The following MAPK8 variants were observed in gnomAD, a reference collection of about 807,000 sequenced individuals.
MAPK8 encodes the protein JUN N-terminal kinase.
A neutral mutation model predicts 52.9 loss-of-function variants in MAPK8; 13 were observed. The ratio of observed to expected loss-of-function variants is 0.25; its 90% CI spans 0.16 to 0.39. MAPK8 has a LOEUF of 0.39. MAPK8 is among the 10% of genes least tolerant of loss of function. The pLI, the probability that MAPK8 is intolerant of heterozygous loss-of-function variation, is 1.00. For missense variants in MAPK8, 300 were observed against 519.2 expected (o/e 0.58, Z 4.10); for synonymous variants, 191 against 169.8 (o/e 1.12, Z -0.97).
chr10:48,415,906 A>G (rs1044131316), intron 5 of MAPK8, among the ~76,000 whole-genome samples: 1 of 152,212 alleles, frequency 6.6e-6, no homozygotes, highest in African/African-American at 2.4e-5. Context: ...ACATCTGTAG[A>G]AAATTTCTTA....
intron 1 of MAPK8, among the ~76,000 whole-genome samples, chr10:48,340,553 C>T (rs1845156232): frequency 6.6e-6 from 1 of 151,946 alleles, no homozygotes; most frequent in Non-Finnish European, 1.5e-5. Context: ...AATAAATATA[C>T]TCATAATTCT....
At chr10:48,322,356 T>C (rs1440928684) in intron 1 of MAPK8, among the ~76,000 whole-genome samples, 1 of 152,062 alleles carries the variant, frequency 6.6e-6, no homozygotes, top group African/African-American at 2.4e-5. Flanking sequence ...CATGTCTGTG[T>C]CGGATAACTT....
intron 1 of MAPK8, among the ~76,000 whole-genome samples, chr10:48,368,484 T>C (rs1028412239): frequency 6.6e-6 from 1 of 152,196 alleles, no homozygotes; most frequent in Admixed American, 6.5e-5. Flanking sequence ...TAATTGTGGC[T>C]GGATCCTGGG....
intron 1 of MAPK8, among the ~76,000 whole-genome samples, chr10:48,343,615 T>A (rs1881741): frequency 0.81 from 122,877 of 152,144 alleles, 49,803 homozygotes; most frequent in Middle Eastern, 0.9. Context: ...AATGTGAATT[T>A]AAAAAGTCCA....
intron 1 of MAPK8, among the ~76,000 whole-genome samples, chr10:48,321,377 T>C (rs10776594): frequency 0.81 from 123,075 of 152,112 alleles, 49,983 homozygotes; most frequent in Middle Eastern, 0.9. Context: ...TGAGCTTCCT[T>C]GCCTGGCCAA....
Position 48,435,048 on chromosome 10 carries a change from G to T in MAPK8, c.*19G>T, listed in dbSNP as rs765524640. ...TAGATGACTACTTGGGCCATCGGGG[G>T]GTGGGAGGGATGGGGAGTCGGTTAG... On this transcript the variant is annotated 3_prime_UTR_variant, in exon 12 of 12. Transcript: ENST00000374189. The T allele has an allele frequency of 3.3e-6, 5 of 1,502,204 alleles. No homozygotes were observed. The highest frequency in any genetic ancestry group is 2.4e-5 in the East Asian group (1 of 40,972). The allele number at this position is 1,502,204 out of a possible 1,614,324, so 93.1% of individuals were successfully genotyped here. A position where few individuals can be genotyped will look rare whatever the true frequency, so the allele number is the denominator to read the frequency against.
At chr10:48,339,653 G>T (rs1238680201) in intron 1 of MAPK8, among the ~76,000 whole-genome samples, 1 of 152,082 alleles carries the variant, frequency 6.6e-6, no homozygotes, top group African/African-American at 2.4e-5. Flanking sequence ...GAAAGTATTT[G>T]CAAACTATAT....
intron 1 of MAPK8, chr10:48,308,252 C>G (rs1434266893): frequency 1.3e-5 from 2 of 152,078 alleles, no homozygotes; most frequent in Admixed American, 1.3e-4. Flanking sequence ...GCAGGCCTGT[C>G]TTGCATCTGT....
In MAPK8 at chr10:48,404,220, G is replaced by A. The variant is rs182328196; in HGVS notation, c.123-632G>A. Among the ~76,000 whole-genome samples, 364 of 150,928 alleles carry A rather than the reference G, an allele frequency of 2.4e-3. 1 individual carries two copies. The highest frequency in any genetic ancestry group is 8.4e-3 in the African/African-American group (343 of 41,046). On this transcript the variant is annotated intron_variant, in intron 2 of 11. Transcript: ENST00000374189. ...CTACCAGGCTGGAGTGCGGTGGTGC[G>A]ATCTTGGCTCACTGCAACTTCCGCC...
chr10:48,374,361 A>G (rs952824048), intron 1 of MAPK8, among the ~76,000 whole-genome samples: 23 of 152,190 alleles, frequency 1.5e-4, no homozygotes, highest in African/African-American at 5.3e-4. Flanking sequence ...AACAAATTCA[A>G]AAGCTAGCAG....
intron 1 of MAPK8, among the ~76,000 whole-genome samples, chr10:48,313,494 A>G (rs1842183366): frequency 6.6e-6 from 1 of 152,252 alleles, no homozygotes; most frequent in African/African-American, 2.4e-5. Flanking sequence ...TTTTTATAAA[A>G]GCATAACAAA....
intron 1 of MAPK8, among the ~76,000 whole-genome samples, chr10:48,377,845 G>GA (rs1170301911): frequency 6.6e-6 from 1 of 152,136 alleles, no homozygotes; most frequent in Non-Finnish European, 1.5e-5. Flanking sequence ...TGCTTATCAG[G>GA]AATTCTAATT....
At position 48,438,697 on chromosome 10, in the gene MAPK8, TATAA is replaced by T. The variant is rs1278035071; in HGVS notation, c.*3671_*3674del. 1.3e-5 allele frequency: 2 copies of T among 152,344 alleles called. No homozygotes were observed. The highest frequency in any genetic ancestry group is 3.9e-4 in the East Asian group (2 of 5,192). The allele number at this position is 152,344 out of a possible 1,614,324, so 9.4% of individuals were successfully genotyped here. A position where few individuals can be genotyped will look rare whatever the true frequency, so the allele number is the denominator to read the frequency against. On this transcript the variant is annotated 3_prime_UTR_variant, in exon 12 of 12. Transcript: ENST00000374189. Reference sequence around the variant, plus strand: ...CCTGTTAGATCTTTACTGAGTGAATTATAAATGTGTGTTAAATACTTTCTAGCCA... The same window carrying T: ...CCTGTTAGATCTTTACTGAGTGAATTATGTGTGTTAAATACTTTCTAGCCA...
Position 48,420,253 on chromosome 10 carries a change from G to A in MAPK8, c.549G>A (p.Thr183=), listed in dbSNP as rs367750354. 3.5e-5 allele frequency: 56 copies of A among 1,613,770 alleles called. 1 individual carries two copies. The Middle Eastern group carries it at 5.0e-4, about 14-fold the overall frequency. The stretch of plus-strand genomic sequence containing the variant: ...CTGCAGGAACGAGTTTTATGATGAC[G>A]CCTTATGTAGTGACTCGCTACTACA... The part of the protein sequence containing the change: ...ARTAGTSFMM[T]PYVVTRYYRA... The change falls in exon 6 of 12, where the codon ACG becomes ACA. Residue 183 remains threonine (T), a synonymous_variant. Coordinates refer to ENST00000374189, the MANE Select transcript of MAPK8 (RefSeq NM_001323329.2).
intron 5 of MAPK8, among the ~76,000 whole-genome samples, chr10:48,411,631 T>G (rs1414382706): frequency 6.6e-6 from 1 of 152,212 alleles, no homozygotes; most frequent in Non-Finnish European, 1.5e-5. Context: ...AATTTGAGTA[T>G]CATTCTATTT....
At chr10:48,417,531 C>T (rs2043129515) in intron 5 of MAPK8, among the ~76,000 whole-genome samples, 1 of 152,190 alleles carries the variant, frequency 6.6e-6, no homozygotes, top group Non-Finnish European at 1.5e-5. Flanking sequence ...TGTGACACTG[C>T]TCCAAACTGT....
intron 1 of MAPK8, among the ~76,000 whole-genome samples, chr10:48,401,160 C>T (rs1299684218): frequency 2.0e-5 from 3 of 152,116 alleles, no homozygotes. Flanking sequence ...ATTTGTTGTT[C>T]CCTCCACTTG....
chr10:48,380,131 A>G (rs887690233), intron 1 of MAPK8, among the ~76,000 whole-genome samples: 1 of 151,758 alleles, frequency 6.6e-6, no homozygotes, highest in Non-Finnish European at 1.5e-5. Context: ...AATCCCAGCT[A>G]CCCGGGAGGC....
chr10:48,339,689 A>G (rs745447935), intron 1 of MAPK8, among the ~76,000 whole-genome samples: 1 of 152,200 alleles, frequency 6.6e-6, no homozygotes, highest in Non-Finnish European at 1.5e-5. Context: ...GATATCCATA[A>G]TAAATAAGGA....
Sources: allele counts gnomAD v4.1 joint callset (sites outside exome capture counted in the v4.1 genomes callset), GRCh38; gene constraint gnomAD v4.1.1; transcripts MANE v1.5; gene names NCBI Gene and HGNC (gene_info 2026-07-23, HGNC 2026-07-21).